Variants in GNA14 observed in about 807,000 individuals in gnomAD.
The protein encoded by GNA14 is G protein subunit alpha 14, also known as guanine nucleotide-binding protein subunit alpha-14.
A neutral mutation model predicts 42.0 loss-of-function variants in GNA14; 50 were observed. The observed-to-expected ratio is 1.19, with a 90% CI of 0.95 to 1.51. GNA14 has a LOEUF of 1.51. Among genes scored for constraint, GNA14 ranks in the 40% most tolerant of loss-of-function variants. The probability of loss-of-function intolerance (pLI) is 0.00; values close to 1 mark genes in which losing one functional copy is unlikely to be tolerated. For missense variants in GNA14, 473 were observed against 446.2 expected (o/e 1.06, Z -0.54); for synonymous variants, 173 against 163.1 (o/e 1.06, Z -0.46).
At chr9:77,636,025 A>T (rs548197516) in intron 1 of GNA14, among the ~76,000 whole-genome samples, 77 of 152,330 alleles carry the variant, frequency 5.1e-4, no homozygotes, top group African/African-American at 1.8e-3. Flanking sequence ...AAGGTTTCTA[A>T]ACACAGGTGC....
At chr9:77,530,233 C>G (rs1837507789) in intron 1 of GNA14, among the ~76,000 whole-genome samples, 1 of 152,122 alleles carries the variant, frequency 6.6e-6, no homozygotes, top group East Asian at 1.9e-4. Flanking sequence ...GGTTTAGCAC[C>G]CTCACCTTGG....
intron 1 of GNA14, among the ~76,000 whole-genome samples, chr9:77,588,192 G>A (rs887304560): frequency 2.0e-5 from 3 of 152,144 alleles, no homozygotes; most frequent in Admixed American, 6.5e-5. Flanking sequence ...GCCATGTCAA[G>A]TAACATATTC....
At chr9:77,514,164 A>G (rs1186294196) in intron 2 of GNA14, among the ~76,000 whole-genome samples, 6 of 152,214 alleles carry the variant, frequency 3.9e-5, no homozygotes, top group Non-Finnish European at 7.3e-5. Context: ...CTCAGAAGCA[A>G]TATTTCCAAT....
intron 2 of GNA14, among the ~76,000 whole-genome samples, chr9:77,485,272 C>T (rs1252827384): frequency 6.6e-6 from 1 of 152,160 alleles, no homozygotes; most frequent in East Asian, 1.9e-4. Flanking sequence ...CAAGAAATCA[C>T]TTTCTTTGCT....
intron 2 of GNA14, among the ~76,000 whole-genome samples, chr9:77,483,025 T>A (rs539944014): frequency 7.2e-4 from 109 of 152,338 alleles, no homozygotes; most frequent in African/African-American, 2.5e-3. Flanking sequence ...TCAGAGTAGT[T>A]TGATCGTCTG....
At chr9:77,647,572 C>A in intron 1 of GNA14, 98 bp downstream of exon 1, 1 of 1,387,260 alleles carries the variant, frequency 7.2e-7, no homozygotes, top group Non-Finnish European at 9.7e-7. Flanking sequence ...GCCCTGCACC[C>A]CGCTGGGCTC....
intron 1 of GNA14, among the ~76,000 whole-genome samples, chr9:77,562,252 C>CATGTTTG (rs1038790257): frequency 6.6e-5 from 10 of 152,130 alleles, no homozygotes; most frequent in African/African-American, 2.4e-4. Context: ...TTGAGCAGAA[C>CATGTTTG]AGCTCAGTGC....
At chr9:77,600,950 G>A (rs1043391837) in intron 1 of GNA14, among the ~76,000 whole-genome samples, 1 of 152,162 alleles carries the variant, frequency 6.6e-6, no homozygotes, top group Non-Finnish European at 1.5e-5. Context: ...AACAGATTAG[G>A]AGTGAAGAAA....
chr9:77,598,395 C>T (rs1267466993), intron 1 of GNA14, among the ~76,000 whole-genome samples: 1 of 152,152 alleles, frequency 6.6e-6, no homozygotes, highest in African/African-American at 2.4e-5. Flanking sequence ...CTCTAATCAC[C>T]AAAGTCTGCA....
chr9:77,507,744 A>T (rs1837094554), intron 2 of GNA14, among the ~76,000 whole-genome samples: 1 of 151,816 alleles, frequency 6.6e-6, no homozygotes, highest in African/African-American at 2.4e-5. Flanking sequence ...TCTGTCACCC[A>T]ACTGACAGAG....
At chr9:77,599,745 C>G (rs1210590529) in intron 1 of GNA14, among the ~76,000 whole-genome samples, 1 of 152,170 alleles carries the variant, frequency 6.6e-6, no homozygotes, top group African/African-American at 2.4e-5. Context: ...CTCCTTCAAT[C>G]TATGGCATTT....
chr9:77,553,220 C>T (rs1243636994), intron 1 of GNA14, among the ~76,000 whole-genome samples: 1 of 152,162 alleles, frequency 6.6e-6, no homozygotes, highest in African/African-American at 2.4e-5. Context: ...TATACCCGGG[C>T]TCCTTCCTTA....
At chr9:77,595,388 T>C (rs1823448837) in intron 1 of GNA14, among the ~76,000 whole-genome samples, 2 of 152,052 alleles carry the variant, frequency 1.3e-5, no homozygotes, top group Non-Finnish European at 2.9e-5. Context: ...CCTTCAATAT[T>C]TCTTTCCAGC....
chr9:77,533,690 A>G (rs4745644), intron 1 of GNA14, among the ~76,000 whole-genome samples: 124,632 of 152,184 alleles, frequency 0.82, 51,463 homozygotes, highest in African/African-American at 0.91. Context: ...AATCTCCCAA[A>G]TCTCCTGCTA....
At chr9:77,622,906 AAAG>A (rs1212897376) in intron 1 of GNA14, among the ~76,000 whole-genome samples, 1 of 139,420 alleles carries the variant, frequency 7.2e-6, no homozygotes, top group African/African-American at 2.7e-5. Flanking sequence ...AAAAAAAAAA[AAAG>A]AAAAATTTTT....
chr9:77,647,187 A>G (rs1587860514), intron 1 of GNA14, among the ~76,000 whole-genome samples: 1 of 152,104 alleles, frequency 6.6e-6, no homozygotes, highest in African/African-American at 2.4e-5. Context: ...TAGCGATATC[A>G]CCTGCCCGCA....
At chr9:77,599,167 T>C (rs1471383004) in intron 1 of GNA14, among the ~76,000 whole-genome samples, 1 of 152,118 alleles carries the variant, frequency 6.6e-6, no homozygotes, top group African/African-American at 2.4e-5. Flanking sequence ...TTTGGCAAAA[T>C]GGATGAGATT....
intron 2 of GNA14, chr9:77,456,653 C>T (rs184761177): frequency 3.9e-5 from 6 of 152,106 alleles, no homozygotes; most frequent in Non-Finnish European, 7.4e-5. Flanking sequence ...TGAGGAGTAA[C>T]GTATGTTCTT....
At chr9:77,469,508 ACT>A (rs1250501372) in intron 2 of GNA14, among the ~76,000 whole-genome samples, 4 of 149,244 alleles carry the variant, frequency 2.7e-5, no homozygotes, top group African/African-American at 1.0e-4. Flanking sequence ...AAAGTTTTAT[ACT>A]CTCTGCAAGA....
Sources: gnomAD v4.1 joint callset for allele counts (sites outside exome capture counted in the v4.1 genomes callset) on GRCh38, gnomAD v4.1.1 for gene constraint, MANE v1.5 for transcripts, NCBI Gene and HGNC (gene_info 2026-07-23, HGNC 2026-07-21) for gene names.